The following FAF1 variants were observed in gnomAD, a reference collection of about 807,000 sequenced individuals.
The protein encoded by FAF1 is Fas associated factor 1.
Under a neutral mutation model 92.5 loss-of-function variants are expected in FAF1, and 25 were observed. The ratio of observed to expected loss-of-function variants is 0.27; its 90% CI spans 0.20 to 0.38. The LOEUF (loss-of-function observed/expected upper bound fraction) is 0.38, where lower values mean the gene tolerates loss of function less well. FAF1 is among the 10% of genes least tolerant of loss of function. The probability of loss-of-function intolerance (pLI) is 1.00; values close to 1 mark genes in which losing one functional copy is unlikely to be tolerated. For synonymous variants in FAF1, 234 were observed against 273.2 expected (o/e 0.86, Z 1.42); for missense variants, 636 against 793.3 (o/e 0.80, Z 2.38).
chr1:50,954,609 T>C (rs1645249562), intron 1 of FAF1, among the ~76,000 whole-genome samples: 1 of 150,722 alleles, frequency 6.6e-6, no homozygotes, highest in Admixed American at 6.6e-5. Flanking sequence ...GAAATGATCT[T>C]GGCTCACTGA....
chr1:50,884,390 T>C (rs1644639658), intron 1 of FAF1, among the ~76,000 whole-genome samples: 1 of 151,566 alleles, frequency 6.6e-6, no homozygotes, highest in Non-Finnish European at 1.5e-5. Flanking sequence ...TAGCCGGGCA[T>C]GGTGATATGC....
At chr1:50,750,343 A>G (rs1404330507) in intron 4 of FAF1, among the ~76,000 whole-genome samples, 1 of 152,252 alleles carries the variant, frequency 6.6e-6, no homozygotes, top group East Asian at 1.9e-4. Flanking sequence ...AATACAGAGA[A>G]GATTAGCATG....
At position 50,518,481 on chromosome 1, in the gene FAF1, C is replaced by A. The variant is rs377258727; in HGVS notation, c.1494+16888G>T. 1.9e-4 allele frequency among the ~76,000 whole-genome samples: 29 copies of A among 151,766 alleles called. No individual in the cohort carries two copies. In the South Asian group the frequency reaches 4.4e-3, roughly 23 times the overall value. ...TTTAAGACTGAGTCTCACTCTGTTG[C>A]CCAGGCTGGAGTGCAGTGGTGCCAT... On this transcript the variant is annotated intron_variant, in intron 15 of 18. Coordinates refer to ENST00000396153, the MANE Select transcript of FAF1 (RefSeq NM_007051.3).
intron 4 of FAF1, among the ~76,000 whole-genome samples, chr1:50,786,106 T>G (rs1289619162): frequency 6.6e-6 from 1 of 150,450 alleles, no homozygotes; most frequent in Non-Finnish European, 1.5e-5. Flanking sequence ...CACTCCAGCC[T>G]GGGTGACAGT....
chr1:50,767,927 G>C (rs750847881), intron 4 of FAF1, among the ~76,000 whole-genome samples: 14 of 152,106 alleles, frequency 9.2e-5, no homozygotes, highest in Non-Finnish European at 1.8e-4. Context: ...CCGATGACTG[G>C]ATCAAATCCA....
At chr1:50,886,735 T>C (rs1644669041) in intron 1 of FAF1, among the ~76,000 whole-genome samples, 1 of 152,218 alleles carries the variant, frequency 6.6e-6, no homozygotes, top group East Asian at 1.9e-4. Context: ...TGCATAGTAT[T>C]CAATGGTGTA....
chr1:50,944,303 A>G (rs190562217), intron 1 of FAF1, among the ~76,000 whole-genome samples: 3 of 152,328 alleles, frequency 2.0e-5, no homozygotes, highest in Non-Finnish European at 2.9e-5. Context: ...TGTGATAACA[A>G]CAATTTGGAG....
intron 7 of FAF1, among the ~76,000 whole-genome samples, chr1:50,699,747 T>C (rs1657386262): frequency 6.6e-6 from 1 of 152,140 alleles, no homozygotes; most frequent in African/African-American, 2.4e-5. Flanking sequence ...CTAAAAAAGC[T>C]TTCCTTTGAA....
chr1:50,692,228 CT>C (rs1240870401), intron 7 of FAF1, among the ~76,000 whole-genome samples: 1 of 139,356 alleles, frequency 7.2e-6, no homozygotes, highest in African/African-American at 2.7e-5. Context: ...ATATCCAGCA[CT>C]TGAAGTATTT....
intron 4 of FAF1, among the ~76,000 whole-genome samples, chr1:50,762,587 A>G (rs556766935): frequency 0.013 from 1,963 of 152,198 alleles, 43 homozygotes; most frequent in African/African-American, 0.043. Flanking sequence ...CAAGCAATGG[A>G]GAAAGGATTC....
chr1:50,447,361 GTGATCCGCCCGCCTCGGCCTCCC>G (rs1288916342), intron 18 of FAF1, among the ~76,000 whole-genome samples: 3 of 152,056 alleles, frequency 2.0e-5, no homozygotes, highest in Admixed American at 1.3e-4. Context: ...TCCTGACCTA[GTGATCCGCCCGCCTCGGCCTCCC>G]AAAGTGCTGG....
At chr1:50,639,760 C>A (rs1159233405) in intron 8 of FAF1, among the ~76,000 whole-genome samples, 1 of 151,574 alleles carries the variant, frequency 6.6e-6, no homozygotes, top group Admixed American at 6.6e-5. Context: ...ATGGTGAAAC[C>A]CTGTCTCTAC....
intron 2 of FAF1, among the ~76,000 whole-genome samples, chr1:50,844,163 C>A (rs182806355): frequency 6.6e-6 from 1 of 152,210 alleles, no homozygotes; most frequent in Admixed American, 6.5e-5. Context: ...ACCTGTTGAC[C>A]ATCTGTATGT....
intron 17 of FAF1, 74 bp downstream of exon 17, chr1:50,490,512 AAG>A: frequency 1.3e-6 from 1 of 743,432 alleles, no homozygotes; most frequent in East Asian, 2.7e-5. Flanking sequence ...GGAAGGAAGG[AAG>A]GAAGGTAGGT....
chr1:50,644,604 T>C (rs1157574742), intron 8 of FAF1, among the ~76,000 whole-genome samples: 1 of 152,220 alleles, frequency 6.6e-6, no homozygotes, highest in Non-Finnish European at 1.5e-5. Context: ...ATTACCAAGT[T>C]CTGTTTTACT....
chr1:50,922,818 C>CAAAAA (rs754253837), intron 1 of FAF1, among the ~76,000 whole-genome samples: 6 of 56,824 alleles, frequency 1.1e-4, no homozygotes, highest in Admixed American at 2.0e-4. Context: ...GAATCCACCA[C>CAAAAA]AAAAAAAAAA....
At chr1:50,747,439 C>T (rs1227860362) in intron 4 of FAF1, among the ~76,000 whole-genome samples, 3 of 152,212 alleles carry the variant, frequency 2.0e-5, no homozygotes, top group Non-Finnish European at 4.4e-5. Flanking sequence ...AGGCCTATAG[C>T]ATCATTCTTT....
chr1:50,939,670 TG>T (rs1645114125), intron 1 of FAF1, among the ~76,000 whole-genome samples: 1 of 152,222 alleles, frequency 6.6e-6, no homozygotes, highest in Non-Finnish European at 1.5e-5. Context: ...TCATCATAGA[TG>T]GCTGTTATTA....
At chr1:50,827,734 TAAATA>T (rs1644115185) in intron 2 of FAF1, among the ~76,000 whole-genome samples, 1 of 152,080 alleles carries the variant, frequency 6.6e-6, no homozygotes, top group African/African-American at 2.4e-5. Flanking sequence ...CCTAAATACG[TAAATA>T]AAATATCTGA....
Sources: allele counts gnomAD v4.1 joint callset (sites outside exome capture counted in the v4.1 genomes callset), GRCh38; gene constraint gnomAD v4.1.1; transcripts MANE v1.5; gene names NCBI Gene and HGNC (gene_info 2026-07-23, HGNC 2026-07-21).